MAP3K14: variants seen among roughly 807,000 people sequenced by gnomAD.
The protein encoded by MAP3K14 is NF-kappa-beta-inducing kinase.
In MAP3K14, 16 loss-of-function variants were observed where a neutral mutation model predicts 99.2. The ratio of observed to expected loss-of-function variants is 0.16; its 90% CI spans 0.11 to 0.24. The LOEUF (loss-of-function observed/expected upper bound fraction) is 0.24, where lower values mean the gene tolerates loss of function less well. Ranked by LOEUF, MAP3K14 falls within the 10% of genes least tolerant of loss-of-function variation. The pLI is 1.00. For missense variants in MAP3K14, 784 were observed against 1,208.7 expected, an observed-to-expected ratio of 0.65 and a Z score of 5.21; for synonymous variants, 462 against 492.4, an observed-to-expected ratio of 0.94 and a Z score of 0.82.
intron 1 of MAP3K14, among the ~76,000 whole-genome samples, chr17:45,293,429 C>T (rs547049202): frequency 6.6e-6 from 1 of 152,192 alleles, no homozygotes; most frequent in East Asian, 1.9e-4. Context: ...GGCAGCTGTC[C>T]AGCGCCCCTC....
intron 2 of MAP3K14, 134 bp downstream of exon 2, chr17:45,290,356 T>C: frequency 8.8e-7 from 1 of 1,141,926 alleles, no homozygotes; most frequent in Non-Finnish European, 1.2e-6. Context: ...GGCACAGACC[T>C]CTGGTTGTGT....
At chr17:45,307,701 C>A (rs1304690507) in intron 1 of MAP3K14, among the ~76,000 whole-genome samples, 2 of 152,180 alleles carry the variant, frequency 1.3e-5, no homozygotes, top group African/African-American at 4.8e-5. Flanking sequence ...TACCTGTGTT[C>A]AGAAAAGATG....
intron 6 of MAP3K14, among the ~76,000 whole-genome samples, chr17:45,282,858 A>G (rs1433544860): frequency 6.6e-6 from 1 of 152,162 alleles, no homozygotes; most frequent in Admixed American, 6.5e-5. Context: ...AAAGGACACC[A>G]CTGCCTTGAG....
chr17:45,288,065 T>A (rs2044281523), intron 3 of MAP3K14, among the ~76,000 whole-genome samples: 1 of 152,172 alleles, frequency 6.6e-6, no homozygotes, highest in Non-Finnish European at 1.5e-5. Flanking sequence ...GTGGAGCAGA[T>A]CATGGCCTCA....
chr17:45,299,549 C>T (rs150733762), intron 1 of MAP3K14, among the ~76,000 whole-genome samples: 35 of 152,278 alleles, frequency 2.3e-4, no homozygotes, highest in Admixed American at 2.3e-3. Context: ...ATCCCTGGGA[C>T]ATAGAAACAG....
intron 14 of MAP3K14, 46 bp from the exon 15 acceptor site, chr17:45,265,309 C>T (rs1265588524): frequency 9.8e-6 from 13 of 1,323,016 alleles, no homozygotes; most frequent in South Asian, 7.0e-5. Flanking sequence ...CTGCTGGCTC[C>T]CCAAGGACCA....
Position 45,279,525 on chromosome 17 carries a change from C to T in MAP3K14, c.1291-4932G>A, listed in dbSNP as rs562172441. On this transcript the variant is annotated intron_variant, in intron 6 of 15. Coordinates refer to ENST00000344686, the MANE Select transcript of MAP3K14 (RefSeq NM_003954.5). ...TTGGCTCACTGCAACCTCTGCCTCC[C>T]AGGTTCAAGCGATTCTCCTGCCTCG... Among the ~76,000 whole-genome samples, 15 of 151,628 alleles carry T rather than the reference C, an allele frequency of 9.9e-5. No individual in the cohort carries two copies. The East Asian group carries it at 2.7e-3, about 28-fold the overall frequency.
chr17:45,274,552 A>G lies in MAP3K14; in HGVS notation c.1332T>C (p.Cys444=). The change falls in exon 7 of 16, where the codon TGT becomes TGC. Residue 444 remains cysteine (C), a synonymous_variant. Transcript: ENST00000344686. ...EVFRAEELMA[C]AGLTSPRIVP... ...CAATTCTGGGTGAGGTCAATCCTGC[A>G]CATGCCATCAGCTCCTCTGCCCGAA... The G allele has an allele frequency of 6.2e-7, 1 of 1,613,974 alleles. No individual in the cohort carries two copies. The highest frequency in any genetic ancestry group is 1.1e-5 in the South Asian group (1 of 91,078).
chr17:45,312,171 A>T (rs577876762), intron 1 of MAP3K14, among the ~76,000 whole-genome samples: 1 of 152,364 alleles, frequency 6.6e-6, no homozygotes, highest in African/African-American at 2.4e-5. Context: ...TTCCAGAGAA[A>T]GTGCTCTGCT....
chr17:45,270,572 C>T lies in MAP3K14; in HGVS notation c.1822-9G>A, dbSNP rs2044134839. The T allele has an allele frequency of 6.5e-7, 1 of 1,541,492 alleles. No individual in the cohort carries two copies. The highest frequency in any genetic ancestry group is 2.1e-5 in the Admixed American group (1 of 48,054). The stretch of plus-strand genomic sequence containing the variant: ...GGAGGCTCGCTGGCAATCTGGGGGG[C>T]AAAAGACAACAGGTGAGGCCTGCCT... On this transcript the variant is annotated splice_polypyrimidine_tract_variant and intron_variant, in intron 10 of 15. Transcript: ENST00000344686.
chr17:45,289,403 C>G (rs2044293721), intron 2 of MAP3K14, 98 bp from the exon 3 acceptor site: 4 of 910,622 alleles, frequency 4.4e-6, no homozygotes, highest in Non-Finnish European at 7.1e-6. Flanking sequence ...GGCGCCTCTC[C>G]TTCCCCTCCT....
chr17:45,292,904 G>A (rs764345078), intron 1 of MAP3K14, among the ~76,000 whole-genome samples: 1 of 152,168 alleles, frequency 6.6e-6, no homozygotes, highest in Non-Finnish European at 1.5e-5. Context: ...CCCAACCCAC[G>A]TGTGACAGGA....
In MAP3K14 at chr17:45,287,474, G is replaced by T. The variant is rs9897316; in HGVS notation, c.327-110C>A. On this transcript the variant is annotated intron_variant, in intron 3 of 15. Coordinates refer to ENST00000344686, the MANE Select transcript of MAP3K14 (RefSeq NM_003954.5). ...CAGATCCAAGGTCAAATCCCAGGTT[G>T]CCATTCCTTGTGTGAATGCGGCAAG... 2,365 of 888,126 alleles carry T rather than the reference G, an allele frequency of 2.7e-3. 45 individuals carry two copies. In the African/African-American group the frequency reaches 0.036, roughly 14 times the overall value. 55.0% of individuals were successfully genotyped at this position (888,126 alleles called of 1,614,324 possible). A position where few individuals can be genotyped will look rare whatever the true frequency, so the allele number is the denominator to read the frequency against.
At chr17:45,274,102 G>A (rs377422734) in intron 8 of MAP3K14, 21 bp downstream of exon 8, 313 of 1,607,300 alleles carry the variant, frequency 1.9e-4, no homozygotes, top group Non-Finnish European at 2.5e-4. Flanking sequence ...GGGGATCAGG[G>A]CCGTGGGGCC....
Position 45,267,467 on chromosome 17 carries a change from G to T in MAP3K14, c.2265C>A (p.Asn755Lys). The change falls in exon 12 of 16, where the codon AAC becomes AAA. Residue 755 changes from asparagine (N) to lysine (K), a missense_variant. This residue lies in a region of MAP3K14 where 128 missense variants were observed against 143.3 expected (regional missense o/e 0.89). Coordinates refer to ENST00000344686, the MANE Select transcript of MAP3K14 (RefSeq NM_003954.5). The surrounding 1 kb of genome is among the most constrained non-coding windows in gnomAD (Gnocchi z 5.1). ...LSSLEPAPAR[N>K]PSSPERKATV... ...TTGCTTTCCGCTCTGGTGAGCTGGG[G>T]TTTCTGGCAGGGGCTGGCTCCAGGG... is the stretch of plus-strand genomic sequence containing the variant. The T allele has an allele frequency of 6.2e-7, 1 of 1,611,636 alleles. No homozygotes were observed. The highest frequency in any genetic ancestry group is 8.5e-7 in the Non-Finnish European group (1 of 1,178,800).
intron 6 of MAP3K14, among the ~76,000 whole-genome samples, chr17:45,282,943 G>C (rs2044234971): frequency 1.3e-5 from 2 of 152,366 alleles, no homozygotes; most frequent in African/African-American, 2.4e-5. Flanking sequence ...TGCATTCTCC[G>C]GGGTGGGAAG....
intron 5 of MAP3K14, among the ~76,000 whole-genome samples, chr17:45,285,309 CG>C (rs1232692815): frequency 6.6e-6 from 1 of 151,442 alleles, no homozygotes; most frequent in South Asian, 2.1e-4. Context: ...TGAAGAGGGG[CG>C]GGGGTCAAGG....
In MAP3K14 at chr17:45,286,976, G is replaced by A. The variant is rs746338318; in HGVS notation, c.607C>T (p.Pro203Ser). 2.2e-5 allele frequency: 35 copies of A among 1,614,068 alleles called. No individual in the cohort carries two copies. Among genetic ancestry groups the A allele is most frequent in the Non-Finnish European group, 3.0e-5 (35 of 1,179,900 alleles). Residue 203 changes from proline (P) to serine (S), a missense_variant, in exon 5 of 16, where the codon CCA becomes TCA. By Grantham distance (74) the Pro-to-Ser change is moderately conservative. This residue lies in a region of MAP3K14 where 188 missense variants were observed against 313.0 expected (regional missense o/e 0.60). Transcript: ENST00000344686. The surrounding 1 kb of genome is among the most constrained non-coding windows in gnomAD (Gnocchi z 4.1). Reference protein sequence around the residue: ...TPQFTKPLKEPGLGQLCFKQL... With the variant: ...TPQFTKPLKESGLGQLCFKQL... ...TTAAAACAGAGTTGCCCAAGGCCTG[G>A]TTCCTTCAGAGGCTTGGTGAACTGC...
rs1024428690 is a variant in MAP3K14, at chr17:45,286,412, G to A, written c.1152+19C>T. The stretch of plus-strand genomic sequence containing the variant: ...GTTGCTGGTAGAGGGACATATACAG[G>A]TGCCGGGGGATTAGTTACCTCAGTG... On this transcript the variant is annotated intron_variant, in intron 5 of 15. Coordinates refer to ENST00000344686, the MANE Select transcript of MAP3K14 (RefSeq NM_003954.5). The surrounding 1 kb of genome is among the most constrained non-coding windows in gnomAD (Gnocchi z 4.1). 2 of 1,568,622 alleles carry A rather than the reference G, an allele frequency of 1.3e-6. No homozygotes were observed. The highest frequency in any genetic ancestry group is 1.7e-6 in the Non-Finnish European group (2 of 1,154,072).
Sources: allele counts gnomAD v4.1 joint callset (sites outside exome capture counted in the v4.1 genomes callset), GRCh38; gene constraint gnomAD v4.1.1; regional missense constraint gnomAD v4.1.1; non-coding constraint Gnocchi (gnomAD v3.1); transcripts MANE v1.5; gene names NCBI Gene and HGNC (gene_info 2026-07-23, HGNC 2026-07-21).